The following EHMT2 variants were observed in gnomAD, a reference collection of about 807,000 sequenced individuals.
EHMT2 encodes euchromatic histone lysine methyltransferase 2.
In EHMT2, 59 loss-of-function variants were observed where a neutral mutation model predicts 143.3. The ratio of observed to expected loss-of-function variants is 0.41; its 90% CI spans 0.33 to 0.51. The LOEUF (loss-of-function observed/expected upper bound fraction) is 0.51. EHMT2 is among the 20% of genes least tolerant of loss of function. The probability of loss-of-function intolerance (pLI) is 0.18; values close to 1 mark genes in which losing one functional copy is unlikely to be tolerated. For missense variants in EHMT2, 1,174 were observed against 1,645.9 expected (o/e 0.71, Z 4.96); for synonymous variants, 604 against 651.5 (o/e 0.93, Z 1.11).
chr6:31,885,776 T>A (rs1372770212), intron 18 of EHMT2: 1 of 152,054 alleles, frequency 6.6e-6, no homozygotes, highest in Non-Finnish European at 1.5e-5. Context: ...CACTCAAAAG[T>A]CCTAGAAGCA....
At chr6:31,887,703 A>C (rs1328270084) in intron 14 of EHMT2, 44 bp from the exon 15 acceptor site, 1 of 1,609,790 alleles carries the variant, frequency 6.2e-7, no homozygotes, top group African/African-American at 1.3e-5. Context: ...GGAGCTCCTC[A>C]GATTCCAGCA....
At position 31,884,609 on chromosome 6, in the gene EHMT2, GGGGGCAGGGGCATCAAGGGC is replaced by G. The variant is rs781446828; in HGVS notation, c.2603+16_2603+35del. ...TGCAGGGTCTGAGGCTGCAAGAAGT[GGGGGCAGGGGCATCAAGGGC>G]GGGGCAGGGGCTCACAGCACGCAGT... On this transcript the variant is annotated intron_variant, in intron 20 of 27. Transcript: ENST00000375537. The surrounding 1 kb of genome is among the most constrained non-coding windows in gnomAD (Gnocchi z 7.3). 3.1e-6 allele frequency: 5 copies of G among 1,604,574 alleles called. No individual in the cohort carries two copies. Among genetic ancestry groups the G allele is most frequent in the African/African-American group, 2.7e-5 (2 of 74,910 alleles).
Position 31,884,629 on chromosome 6 carries a change from C to T in EHMT2, c.2603+16G>A, listed in dbSNP as rs372605697. ...GAAGTGGGGGCAGGGGCATCAAGGG[C>T]GGGGCAGGGGCTCACAGCACGCAGT... On this transcript the variant is annotated intron_variant, in intron 20 of 27. Coordinates refer to ENST00000375537, the Ensembl canonical transcript of EHMT2. This position sits in a 1 kb window ranked among gnomAD's most constrained non-coding sequence, Gnocchi z 7.3. The T allele has an allele frequency of 8.2e-6, 13 of 1,591,644 alleles. No homozygotes were observed. The African/African-American group carries it at 1.5e-4, about 18-fold the overall frequency.
intron 25 of EHMT2, among the ~76,000 whole-genome samples, chr6:31,882,419 G>T (rs73728988): frequency 3.9e-5 from 6 of 152,148 alleles, no homozygotes; most frequent in Admixed American, 6.5e-5. Flanking sequence ...GGGCGAGGAG[G>T]GGGTGGAGGG....
chr6:31,880,224 A>G lies in EHMT2; in HGVS notation c.3493T>C (p.Tyr1165His). The G allele has an allele frequency of 6.2e-7, 1 of 1,612,806 alleles. No individual in the cohort carries two copies. Residue 1165 changes from tyrosine to histidine, a missense_variant, in exon 28 of 28, where the codon TAT becomes CAT. Around this residue, in one of 6 missense-constraint regions of EHMT2, gnomAD observed 44 missense variants for 113.5 expected, o/e 0.39. Coordinates refer to ENST00000375537, the Ensembl canonical transcript of EHMT2. This position sits in a 1 kb window ranked among gnomAD's most constrained non-coding sequence, Gnocchi z 6.6. ...TCAGAGCCACATTGGCAGGTGAAAT[A>G]TTTGCTTTTGATGTCCCAGAAGCGG...
chr6:31,884,649 C>G lies in EHMT2; in HGVS notation c.2599G>C (p.Val867Leu). Residue 867 changes from valine to leucine, a missense_variant, in exon 20 of 28, where the codon GTG becomes CTG. This residue lies in a region of EHMT2 where 608 missense variants were observed against 903.7 expected (regional missense o/e 0.67). Coordinates refer to ENST00000375537, the Ensembl canonical transcript of EHMT2. The surrounding 1 kb of genome is among the most constrained non-coding windows in gnomAD (Gnocchi z 7.3). Reference sequence around the variant, plus strand: ...AAGGGCGGGGCAGGGGCTCACAGCACGCAGTCATGGTAGCTCTCCCGAGCT... The same window carrying G: ...AAGGGCGGGGCAGGGGCTCACAGCAGGCAGTCATGGTAGCTCTCCCGAGCT... 2 of 1,587,252 alleles carry G rather than the reference C, an allele frequency of 1.3e-6. No individual in the cohort carries two copies. Among genetic ancestry groups the G allele is most frequent in the Non-Finnish European group, 1.7e-6 (2 of 1,164,040 alleles).
intron 7 of EHMT2, among the ~76,000 whole-genome samples, chr6:31,890,472 G>A (rs949040199): frequency 2.0e-5 from 3 of 151,592 alleles, no homozygotes; most frequent in African/African-American, 7.3e-5. Context: ...GGCTAGGCTG[G>A]TCTCAAACTC....
rs545517916 is a variant in EHMT2 at position 31,885,249 on chromosome 6, G to A, written c.2344-233C>T. 9.9e-5 allele frequency: 46 copies of A among 466,176 alleles called. No individual in the cohort carries two copies. In the East Asian group the frequency reaches 1.2e-3, roughly 12 times the overall value. The allele number at this position is 466,176 out of a possible 1,614,324, so 28.9% of individuals were successfully genotyped here. On this transcript the variant is annotated intron_variant, in intron 18 of 27. Coordinates refer to ENST00000375537, the Ensembl canonical transcript of EHMT2. ...TCCCAGCACTTTGGGAGGCCGAGGC[G>A]GGCGGATCACGAGGTCAGGAGATGG...
rs1764344267 is a variant in EHMT2, at chr6:31,883,206, C to T, written c.2994+156G>A. The stretch of plus-strand genomic sequence containing the variant: ...GGGCACACGCCCATCGCTGTCCCAG[C>T]CACATCCCAGGATTCCCAGGCCTTG... On this transcript the variant is annotated intron_variant, in intron 23 of 27. Coordinates refer to ENST00000375537, the Ensembl canonical transcript of EHMT2. The surrounding 1 kb of genome is among the most constrained non-coding windows in gnomAD (Gnocchi z 5.6). 8 of 907,242 alleles carry T rather than the reference C, an allele frequency of 8.8e-6. No homozygotes were observed. In the South Asian group the frequency reaches 1.1e-4, roughly 13 times the overall value. The allele number at this position is 907,242 out of a possible 1,614,324, so 56.2% of individuals were successfully genotyped here.
chr6:31,880,946 C>T lies in EHMT2; in HGVS notation c.3276+68G>A. On this transcript the variant is annotated intron_variant, in intron 26 of 27. Coordinates refer to ENST00000375537, the Ensembl canonical transcript of EHMT2. The surrounding 1 kb of genome is among the most constrained non-coding windows in gnomAD (Gnocchi z 6.6). Reference sequence around the variant, plus strand: ...TCCCTCCTCCCCAGGTTTCCATTTGCTGACTTCCCAGAGGCTCCTGAAAGC... The same window carrying T: ...TCCCTCCTCCCCAGGTTTCCATTTGTTGACTTCCCAGAGGCTCCTGAAAGC... 5.0e-6 allele frequency: 8 copies of T among 1,609,340 alleles called. No homozygotes were observed. The highest frequency in any genetic ancestry group is 6.8e-6 in the Non-Finnish European group (8 of 1,176,896).
intron 7 of EHMT2, among the ~76,000 whole-genome samples, chr6:31,891,143 C>T (rs1765631218): frequency 6.6e-6 from 1 of 152,014 alleles, no homozygotes; most frequent in Non-Finnish European, 1.5e-5. Flanking sequence ...CGGGGTTTCT[C>T]CATGTTGATC....
chr6:31,881,747 G>A lies in EHMT2; in HGVS notation c.3198-655C>T, dbSNP rs1478531482. On this transcript the variant is annotated intron_variant, in intron 25 of 27. Transcript: ENST00000375537. The surrounding 1 kb of genome is among the most constrained non-coding windows in gnomAD (Gnocchi z 4.8). ...TGCCAGAGAAGTTGAGAGATGACAT[G>A]ATGGAAAGAAACTGGATGGTCTGTT... is the stretch of plus-strand genomic sequence containing the variant. Among the ~76,000 whole-genome samples the A allele has an allele frequency of 6.6e-6, 1 of 152,222 alleles. No individual in the cohort carries two copies. The highest frequency in any genetic ancestry group is 1.5e-5 in the Non-Finnish European group (1 of 68,040).
rs573153580 is a variant in EHMT2 at position 31,881,841 on chromosome 6, C to G, written c.3198-749G>C. Among the ~76,000 whole-genome samples, 1 of 152,164 alleles carries G rather than the reference C, an allele frequency of 6.6e-6. No individual in the cohort carries two copies. Among genetic ancestry groups the G allele is most frequent in the Non-Finnish European group, 1.5e-5 (1 of 68,030 alleles). On this transcript the variant is annotated intron_variant, in intron 25 of 27. Transcript: ENST00000375537. This position sits in a 1 kb window ranked among gnomAD's most constrained non-coding sequence, Gnocchi z 4.8. Reference sequence around the variant, plus strand: ...AAGAATGGTCAGGCACGGTGGCTCACGCCTGTAATCCCAGCACTTTGGGAG... The same window carrying G: ...AAGAATGGTCAGGCACGGTGGCTCAGGCCTGTAATCCCAGCACTTTGGGAG...
Position 31,889,462 on chromosome 6 carries a change from T to C in EHMT2, c.999+6A>G. 6.2e-7 allele frequency: 1 copy of C among 1,612,690 alleles called. No individual in the cohort carries two copies. Among genetic ancestry groups the C allele is most frequent in the Non-Finnish European group, 8.5e-7 (1 of 1,179,886 alleles). ...TCCTCTGGAGATATCAGCCTCCGTC[T>C]CTTACCCTATCTGACTGATTCCCTG... is the stretch of plus-strand genomic sequence containing the variant. On this transcript the variant is annotated splice_donor_region_variant and intron_variant, in intron 8 of 27. Transcript: ENST00000375537. The surrounding 1 kb of genome is among the most constrained non-coding windows in gnomAD (Gnocchi z 5.1).
chr6:31,888,136 C>A lies in EHMT2; in HGVS notation c.1650G>T (p.Arg550=). 1 of 1,612,450 alleles carries A rather than the reference C, an allele frequency of 6.2e-7. No homozygotes were observed. The highest frequency in any genetic ancestry group is 2.2e-5 in the East Asian group (1 of 44,860). Residue 550 remains arginine (R), a synonymous_variant, in exon 13 of 28, where the codon CGG becomes CGT. Coordinates refer to ENST00000375537, the Ensembl canonical transcript of EHMT2. This position sits in a 1 kb window ranked among gnomAD's most constrained non-coding sequence, Gnocchi z 7.4. The stretch of plus-strand genomic sequence containing the variant: ...CGGCCGGTGGGGTCACCCCGTCACC[C>A]CGGGGGATGGTCACCTCTTGAGCTT...
chr6:31,884,690 G>C lies in EHMT2; in HGVS notation c.2558C>G (p.Thr853Ser). ...CTCCCGAGCTGCGATGTGCAGGGGG[G>C]TGTCCCCATGGTAGTTGACAGCATG... The change falls in exon 20 of 28, where the codon ACC becomes AGC. Residue 853 changes from threonine to serine, a missense_variant. Around this residue, in one of 6 missense-constraint regions of EHMT2, gnomAD observed 608 missense variants for 903.7 expected, o/e 0.67. Coordinates refer to ENST00000375537, the Ensembl canonical transcript of EHMT2. This position sits in a 1 kb window ranked among gnomAD's most constrained non-coding sequence, Gnocchi z 7.3. The C allele has an allele frequency of 1.3e-6, 2 of 1,585,882 alleles. No homozygotes were observed. Among genetic ancestry groups the C allele is most frequent in the Admixed American group, 1.7e-5 (1 of 57,550 alleles).
In EHMT2 at chr6:31,888,092, G is replaced by A. The variant is rs1295874863; in HGVS notation, c.1694C>T (p.Pro565Leu). 1 of 1,609,060 alleles carries A rather than the reference G, an allele frequency of 6.2e-7. No homozygotes were observed. The highest frequency in any genetic ancestry group is 1.3e-5 in the African/African-American group (1 of 74,860). The change falls in exon 13 of 28, where the codon CCC (proline) becomes CTC (leucine). Residue 565 changes from proline to leucine, a missense_variant. Physicochemically the swap from Pro to Leu is moderately conservative, Grantham distance 98. Coordinates refer to ENST00000375537, the Ensembl canonical transcript of EHMT2. This position sits in a 1 kb window ranked among gnomAD's most constrained non-coding sequence, Gnocchi z 7.4. ...GGGGACATCCTGGGACAGGGGTGGG[G>A]GTGCAGGAGCTGCAGTGCCGGCCGG...
At chr6:31,891,725 A>G (rs759173087) in intron 7 of EHMT2, among the ~76,000 whole-genome samples, 1 of 152,264 alleles carries the variant, frequency 6.6e-6, no homozygotes, top group African/African-American at 2.4e-5. Flanking sequence ...GCAACGAAAT[A>G]AGCAAATAAA....
rs1011206299 is a variant in EHMT2 at position 31,883,670 on chromosome 6, G to T, written c.2916+136C>A. 4 of 1,289,990 alleles carry T rather than the reference G, an allele frequency of 3.1e-6. No individual in the cohort carries two copies. The highest frequency in any genetic ancestry group is 2.7e-5 in the South Asian group (2 of 74,762). 79.9% of individuals were successfully genotyped at this position (1,289,990 alleles called of 1,614,324 possible). On this transcript the variant is annotated intron_variant, in intron 22 of 27. Coordinates refer to ENST00000375537, the Ensembl canonical transcript of EHMT2. The surrounding 1 kb of genome is among the most constrained non-coding windows in gnomAD (Gnocchi z 5.6). ...TAGGAAAAGGATCCCTCCCCTGGTG[G>T]GGATGCGACCCCACACCAGGGCTCC... is the stretch of plus-strand genomic sequence containing the variant.
Sources: gnomAD v4.1 joint callset for allele counts (sites outside exome capture counted in the v4.1 genomes callset) on GRCh38, gnomAD v4.1.1 for gene constraint, gnomAD v4.1.1 regional missense constraint, Gnocchi (gnomAD v3.1) non-coding constraint, MANE v1.5 for transcripts, NCBI Gene and HGNC (gene_info 2026-07-23, HGNC 2026-07-21) for gene names.